Variants in NCOA4 observed in about 807,000 individuals in gnomAD.
NCOA4 encodes 70 kDa AR-activator.
Under a neutral mutation model 69.5 loss-of-function variants are expected in NCOA4, and 31 were observed. The observed-to-expected ratio is 0.45, with a 90% CI of 0.34 to 0.60. The LOEUF is 0.60. Among genes scored for constraint, NCOA4 ranks in the 20% least tolerant of loss-of-function variants. The probability of loss-of-function intolerance (pLI) is 0.02; values close to 1 mark genes in which losing one functional copy is unlikely to be tolerated. For missense variants in NCOA4, 600 were observed against 719.2 expected (o/e 0.83, Z 1.90); for synonymous variants, 228 against 252.4 (o/e 0.90, Z 0.92).
intron 1 of NCOA4, chr10:46,027,515 G>GTCTA (rs1840231457): frequency 3.5e-5 from 53 of 1,535,640 alleles, no homozygotes; most frequent in Non-Finnish European, 4.6e-5. Context: ...TTGAAGCAAT[G>GTCTA]TGTCCAGACA....
chr10:46,019,893 G>T (rs1839774895), intron 1 of NCOA4, among the ~76,000 whole-genome samples: 1 of 152,134 alleles, frequency 6.6e-6, no homozygotes, highest in Non-Finnish European at 1.5e-5. Context: ...TTTCTTTATG[G>T]TAAGTCCCAG....
Position 46,014,476 on chromosome 10 carries a change from T to C in NCOA4, c.448A>G (p.Thr150Ala). Residue 150 changes from threonine to alanine, a missense_variant, in exon 5 of 10, where the codon ACC (threonine) becomes GCC (alanine). Coordinates refer to ENST00000581486, the MANE Select transcript of NCOA4 (RefSeq NM_001145263.2). Reference protein sequence around the residue: ...FEADTITLRQTITTFGSLKTI... With the variant: ...FEADTITLRQAITTFGSLKTI... The stretch of plus-strand genomic sequence containing the variant: ...TTGAGAGACCCAAATGTGGTGATGG[T>C]CTGGCGCAGAGTAATTGTGTCAGCT... The C allele has an allele frequency of 6.2e-7, 1 of 1,613,744 alleles. No individual in the cohort carries two copies. Among genetic ancestry groups the C allele is most frequent in the Non-Finnish European group, 8.5e-7 (1 of 1,179,650 alleles).
chr10:46,012,070 G>GAAAAAAAAACAAA (rs1839248880), intron 7 of NCOA4, among the ~76,000 whole-genome samples: 1 of 44,524 alleles, frequency 2.2e-5, no homozygotes, highest in Non-Finnish European at 4.1e-5. Context: ...CAAAAAGAAA[G>GAAAAAAAAACAAA]AAAAAAAAAA....
At chr10:46,017,765 G>A in intron 1 of NCOA4, among the ~76,000 whole-genome samples, 1 of 152,282 alleles carries the variant, frequency 6.6e-6, no homozygotes. Context: ...AAACACAAAT[G>A]GGAAGAACAG....
chr10:46,017,102 T>C, intron 1 of NCOA4, among the ~76,000 whole-genome samples: 1 of 152,346 alleles, frequency 6.6e-6, no homozygotes, highest in South Asian at 2.1e-4. Context: ...TACAGAAGGA[T>C]CTTTGATTAC....
chr10:46,010,112 G>C, intron 8 of NCOA4, 111 bp downstream of exon 8: 4 of 1,336,388 alleles, frequency 3.0e-6, no homozygotes, highest in Non-Finnish European at 4.0e-6. Context: ...AGGTTGCAAT[G>C]AGCTGAGATC....
In NCOA4 at chr10:46,006,073, A is replaced by C. The variant is rs782185716; in HGVS notation, c.*519T>G. ...ATTATTAATATATATTTTGGTAATC[A>C]CTATTGACCAGGTTAATTTTTTTGT... is the stretch of plus-strand genomic sequence containing the variant. On this transcript the variant is annotated 3_prime_UTR_variant, in exon 10 of 10. Transcript: ENST00000581486. The C allele has an allele frequency of 3.3e-5, 7 of 209,694 alleles. No homozygotes were observed. The highest frequency in any genetic ancestry group is 5.8e-5 in the Non-Finnish European group (6 of 103,368). The allele number at this position is 209,694 out of a possible 1,614,324, so 13.0% of individuals were successfully genotyped here.
chr10:46,012,609 T>C (rs1438116150), intron 7 of NCOA4, among the ~76,000 whole-genome samples: 1 of 152,106 alleles, frequency 6.6e-6, no homozygotes, highest in Non-Finnish European at 1.5e-5. Context: ...AAAACTGAAG[T>C]ATATAAATAC....
intron 9 of NCOA4, among the ~76,000 whole-genome samples, chr10:46,008,906 A>G (rs1839016884): frequency 6.6e-6 from 1 of 152,242 alleles, no homozygotes; most frequent in South Asian, 2.1e-4. Context: ...CAAAACGATT[A>G]TGTGTTAATG....
chr10:46,023,344 C>A, intron 1 of NCOA4: 2 of 985,648 alleles, frequency 2.0e-6, no homozygotes, highest in African/African-American at 3.5e-5. Context: ...CAGGCCAGGT[C>A]ACCGACTCAC....
At position 46,011,354 on chromosome 10, in the gene NCOA4, G is replaced by A. The variant is rs111791732; in HGVS notation, c.715-148C>T. 1.3e-3 allele frequency: 1,001 copies of A among 748,204 alleles called. 8 individuals carry two copies. Among genetic ancestry groups the A allele is most frequent in the Admixed American group, 2.5e-3 (83 of 33,058 alleles). The allele number at this position is 748,204 out of a possible 1,614,324, so 46.3% of individuals were successfully genotyped here. On this transcript the variant is annotated intron_variant, in intron 7 of 9. Transcript: ENST00000581486. ...ACAATCTCAGCTCACTGCAAGCTCT[G>A]CCTCCCAGCTTCACGCCATTCTCCT...
intron 1 of NCOA4, among the ~76,000 whole-genome samples, chr10:46,020,313 T>C (rs1554924106): frequency 6.6e-6 from 1 of 152,114 alleles, no homozygotes; most frequent in East Asian, 1.9e-4. Context: ...TAACATAATC[T>C]CTCTGGGCCT....
chr10:46,028,151 C>T lies in NCOA4; in HGVS notation c.-15+2375G>A, dbSNP rs1462485241. ...CCTTGCGCTTTCCTCCAGGTATCCT[C>T]GAGCCCAGGCCTTCACTTCCTTCAG... On this transcript the variant is annotated intron_variant, in intron 1 of 9. Transcript: ENST00000581486. Among the ~76,000 whole-genome samples the T allele has an allele frequency of 3.3e-5, 5 of 152,158 alleles. No individual in the cohort carries two copies. In the South Asian group the frequency reaches 6.2e-4, roughly 19 times the overall value.
intron 5 of NCOA4, 116 bp downstream of exon 5, chr10:46,014,328 A>AT: frequency 1.3e-6 from 1 of 769,946 alleles, no homozygotes; most frequent in Non-Finnish European, 2.1e-6. Context: ...AGAACATGAA[A>AT]TTTTTGAAGC....
intron 7 of NCOA4, among the ~76,000 whole-genome samples, chr10:46,011,510 C>T (rs1839203871): frequency 6.6e-6 from 1 of 151,422 alleles, no homozygotes; most frequent in African/African-American, 2.4e-5. Flanking sequence ...CTCCTGACCT[C>T]GTGATCCGCC....
intron 1 of NCOA4, chr10:46,023,561 G>A (rs1242885727): frequency 2.0e-6 from 2 of 977,300 alleles, no homozygotes; most frequent in Non-Finnish European, 2.4e-6. Flanking sequence ...GCTGGCGCTC[G>A]CGGCCCCCCT....
chr10:46,009,361 A>G, intron 9 of NCOA4, 50 bp downstream of exon 9: 1 of 1,577,286 alleles, frequency 6.3e-7, no homozygotes, highest in East Asian at 2.2e-5. Context: ...CAAAACATTT[A>G]TTTTATAAAT....
intron 1 of NCOA4, among the ~76,000 whole-genome samples, chr10:46,027,001 C>G (rs1355508061): frequency 6.6e-6 from 1 of 152,176 alleles, no homozygotes. Flanking sequence ...CGCGGTGGCT[C>G]ACGCCTGTAA....
At chr10:46,021,214 A>G (rs952193494) in intron 1 of NCOA4, among the ~76,000 whole-genome samples, 3 of 152,264 alleles carry the variant, frequency 2.0e-5, no homozygotes, top group Admixed American at 1.3e-4. Flanking sequence ...TAAAATTTCC[A>G]AAGAGCTTTA....
Sources: allele counts gnomAD v4.1 joint callset (sites outside exome capture counted in the v4.1 genomes callset), GRCh38; gene constraint gnomAD v4.1.1; transcripts MANE v1.5; gene names NCBI Gene and HGNC (gene_info 2026-07-23, HGNC 2026-07-21).